PARP9: variants seen among roughly 807,000 people sequenced by gnomAD.
PARP9 encodes protein mono-ADP-ribosyltransferase PARP9.
In PARP9, 48 loss-of-function variants were observed where a neutral mutation model predicts 68.8. The ratio of observed to expected loss-of-function variants is 0.70; its 90% CI spans 0.55 to 0.89. The LOEUF is 0.89. Among genes scored for constraint, PARP9 ranks in the 40% least tolerant of loss-of-function variants. PARP9 has a pLI of 0.00. For synonymous variants in PARP9, 309 were observed against 333.8 expected, an observed-to-expected ratio of 0.93 and a Z score of 0.81; for missense variants, 806 against 969.3, an observed-to-expected ratio of 0.83 and a Z score of 2.24.
chr3:122,547,110 T>TC lies in PARP9; in HGVS notation c.1327-1622_1327-1621insG, dbSNP rs1310022369. On this transcript the variant is annotated intron_variant, in intron 6 of 10. Coordinates refer to ENST00000682323, the MANE Select transcript of PARP9 (RefSeq NM_001146105.2). ...CATATATATATACACGTATTTTTTT[T>TC]TCTTTTTTTTTTTTTTTGAGATGGC... is the stretch of plus-strand genomic sequence containing the variant. 4.0e-4 allele frequency among the ~76,000 whole-genome samples: 55 copies of TC among 137,066 alleles called. 1 individual carries two copies. Among genetic ancestry groups the TC allele is most frequent in the Non-Finnish European group, 7.2e-4 (46 of 64,192 alleles). 89.9% of individuals were successfully genotyped at this position (137,066 alleles called of 152,430 possible). A position where few individuals can be genotyped will look rare whatever the true frequency, so the allele number is the denominator to read the frequency against.
chr3:122,564,643 C>T, upstream of PARP9: 1 of 1,568,826 alleles, frequency 6.4e-7, no homozygotes. Flanking sequence ...GCTGCGAAAG[C>T]CCTCTGGGGG....
chr3:122,536,842 T>C (rs1031065661), intron 9 of PARP9, 92 bp downstream of exon 9: 50 of 1,438,512 alleles, frequency 3.5e-5, no homozygotes, highest in Non-Finnish European at 4.3e-5. Flanking sequence ...GCAGCCAGCT[T>C]AGAATCATCA....
At position 122,540,541 on chromosome 3, in the gene PARP9, C is replaced by G. The variant is rs748410591; in HGVS notation, c.1696G>C (p.Glu566Gln). The G allele has an allele frequency of 1.2e-5, 20 of 1,614,096 alleles. No homozygotes were observed. The highest frequency in any genetic ancestry group is 1.7e-5 in the Non-Finnish European group (20 of 1,180,042). ...TCCTGTACTTTACAAAGCATATCTT[C>G]AATGTTCATAACCACCTCAATGAGG... ...ADLIEVVMNI[E>Q]DMLCKVQEEM... The change falls in exon 8 of 11, where the codon GAA becomes CAA. Residue 566 changes from glutamate to glutamine, a missense_variant. This residue lies in a region of PARP9 where 680 missense variants were observed against 858.8 expected (regional missense o/e 0.79). Transcript: ENST00000682323.
Position 122,533,811 on chromosome 3 carries a change from A to G in PARP9, c.2080+2357T>C, listed in dbSNP as rs2077461777. Reference sequence around the variant, plus strand: ...AACATAAATAGAAAAAAGAAAATAAAGGTTTGTTAACAGAAGTTCTGTCTC... The same window carrying G: ...AACATAAATAGAAAAAAGAAAATAAGGGTTTGTTAACAGAAGTTCTGTCTC... On this transcript the variant is annotated intron_variant, in intron 10 of 10. Coordinates refer to ENST00000682323, the MANE Select transcript of PARP9 (RefSeq NM_001146105.2). 3 of 985,336 alleles carry G rather than the reference A, an allele frequency of 3.0e-6. No individual in the cohort carries two copies. In the African/African-American group the frequency reaches 5.2e-5, roughly 17 times the overall value. The allele number at this position is 985,336 out of a possible 1,614,324, so 61.0% of individuals were successfully genotyped here. A position where few individuals can be genotyped will look rare whatever the true frequency, so the allele number is the denominator to read the frequency against.
chr3:122,553,666 A>G (rs1041404705), intron 4 of PARP9, among the ~76,000 whole-genome samples: 5 of 152,242 alleles, frequency 3.3e-5, no homozygotes, highest in Non-Finnish European at 7.3e-5. Context: ...CTTATAGGCA[A>G]TAAGTGTTAT....
intron 4 of PARP9, among the ~76,000 whole-genome samples, chr3:122,553,481 C>T (rs189144456): frequency 1.1e-3 from 164 of 152,276 alleles, no homozygotes; most frequent in Non-Finnish European, 1.9e-3. Flanking sequence ...GGCACCGACA[C>T]CCTTTAAAAA....
At chr3:122,541,254 T>C (rs547215093) in intron 7 of PARP9, among the ~76,000 whole-genome samples, 2 of 152,328 alleles carry the variant, frequency 1.3e-5, no homozygotes, top group South Asian at 2.1e-4. Context: ...CCTATGATAT[T>C]GTCACCACTG....
At chr3:122,549,764 G>A (rs999478742) in intron 6 of PARP9, among the ~76,000 whole-genome samples, 1 of 151,656 alleles carries the variant, frequency 6.6e-6, no homozygotes, top group African/African-American at 2.4e-5. Context: ...CTGAGCAACA[G>A]AGCAAGATCA....
At chr3:122,535,941 C>A in intron 10 of PARP9, 1 of 1,413,332 alleles carries the variant, frequency 7.1e-7, no homozygotes, top group South Asian at 1.6e-5. Flanking sequence ...ACTGCTCACA[C>A]TTTTCATCAA....
intron 7 of PARP9, among the ~76,000 whole-genome samples, chr3:122,542,927 G>C (rs996654212): frequency 1.3e-5 from 2 of 151,724 alleles, no homozygotes; most frequent in Admixed American, 6.6e-5. Flanking sequence ...ATTTTTTTGA[G>C]ACCAAGTCTC....
intron 8 of PARP9, among the ~76,000 whole-genome samples, chr3:122,539,977 G>T (rs1252737288): frequency 6.6e-6 from 1 of 152,202 alleles, no homozygotes; most frequent in East Asian, 1.9e-4. Flanking sequence ...CCCGCTGAAT[G>T]GGAGATACTT....
chr3:122,564,480 C>T (rs757847684), upstream of PARP9: 7 of 1,612,852 alleles, frequency 4.3e-6, no homozygotes, highest in Non-Finnish European at 5.9e-6. Context: ...TGTACAAGTC[C>T]GGCCCCCGAG....
rs564308775 is a variant in PARP9, at chr3:122,547,380, C to G, written c.1327-1891G>C. On this transcript the variant is annotated intron_variant, in intron 6 of 10. Transcript: ENST00000682323. ...AAAGGGCTGGGATTACAGGCATGAGCCACCAAGCCCGGCCCCCTACGGCAC... is the reference window on the plus strand; with the variant it reads ...AAAGGGCTGGGATTACAGGCATGAGGCACCAAGCCCGGCCCCCTACGGCAC... Among the ~76,000 whole-genome samples the G allele has an allele frequency of 3.1e-3, 479 of 152,102 alleles. 1 individual carries two copies. The highest frequency in any genetic ancestry group is 0.011 in the African/African-American group (462 of 41,506).
At chr3:122,531,777 T>C (rs201371660) in intron 10 of PARP9, 3 of 142,076 alleles carry the variant, frequency 2.1e-5, no homozygotes. Flanking sequence ...GAGCATGGGT[T>C]GTTTTTTTTT....
chr3:122,542,231 T>C (rs2078289544), intron 7 of PARP9, among the ~76,000 whole-genome samples: 1 of 147,522 alleles, frequency 6.8e-6, no homozygotes, highest in South Asian at 2.3e-4. Flanking sequence ...TACCCCTTTC[T>C]TCTCCTCCTC....
chr3:122,542,772 C>T (rs1231749256), intron 7 of PARP9, among the ~76,000 whole-genome samples: 1 of 152,062 alleles, frequency 6.6e-6, no homozygotes, highest in Non-Finnish European at 1.5e-5. Context: ...GCCACTGCAC[C>T]CGGCCAATAA....
chr3:122,564,405 C>T, upstream of PARP9: 1 of 1,596,378 alleles, frequency 6.3e-7, no homozygotes, highest in Non-Finnish European at 8.5e-7. Context: ...GGAGCCCCCG[C>T]GCCCTCCCGA....
chr3:122,530,628 A>G (rs968058627), intron 10 of PARP9, among the ~76,000 whole-genome samples: 1 of 152,154 alleles, frequency 6.6e-6, no homozygotes, highest in Non-Finnish European at 1.5e-5. Flanking sequence ...GAAAAAAATT[A>G]TACCTTCTTT....
chr3:122,540,898 G>C (rs9831600), intron 7 of PARP9, 46 bp from the exon 8 acceptor site: 1 of 1,462,934 alleles, frequency 6.8e-7, no homozygotes, highest in South Asian at 1.4e-5. Context: ...GCAGTTTTTT[G>C]TTTTTTTTTT....
Sources: gnomAD v4.1 joint callset for allele counts (sites outside exome capture counted in the v4.1 genomes callset) on GRCh38, gnomAD v4.1.1 for gene constraint, gnomAD v4.1.1 regional missense constraint, MANE v1.5 for transcripts, NCBI Gene and HGNC (gene_info 2026-07-23, HGNC 2026-07-21) for gene names.